Variants in FMNL3 observed in about 807,000 individuals in gnomAD.
FMNL3 encodes the protein formin-like protein 3.
A neutral mutation model predicts 119.6 loss-of-function variants in FMNL3; 57 were observed. That is an observed-to-expected ratio of 0.48 (90% CI 0.39 to 0.59). The LOEUF (loss-of-function observed/expected upper bound fraction) is 0.59, where lower values mean the gene tolerates loss of function less well. FMNL3 is among the 20% of genes least tolerant of loss of function. The probability of loss-of-function intolerance (pLI) is 0.00; values close to 1 mark genes in which losing one functional copy is unlikely to be tolerated. For missense variants in FMNL3, 1,053 were observed against 1,323.5 expected, an observed-to-expected ratio of 0.80 and a Z score of 3.17; for synonymous variants, 491 against 507.3, an observed-to-expected ratio of 0.97 and a Z score of 0.43.
In FMNL3 at chr12:49,660,756, G is replaced by A. The variant is rs188057492; in HGVS notation, c.452+1210C>T. Among the ~76,000 whole-genome samples the A allele has an allele frequency of 3.3e-3, 508 of 152,320 alleles. 5 individuals are homozygous for A. Among genetic ancestry groups the A allele is most frequent in the Non-Finnish European group, 3.9e-3 (266 of 68,034 alleles). On this transcript the variant is annotated intron_variant, in intron 5 of 25. Transcript: ENST00000335154. ...GTGGATCGCTTGAGCCCAGGAGTTC[G>A]AGGCCAGCCTGGGCAGCATGGTGAA...
At chr12:49,690,711 C>T (rs970036654) in intron 1 of FMNL3, among the ~76,000 whole-genome samples, 8 of 152,304 alleles carry the variant, frequency 5.3e-5, no homozygotes, top group African/African-American at 1.7e-4. Flanking sequence ...CTATATTCTG[C>T]CACAATCCAC....
At chr12:49,685,156 G>C (rs2138968485) in intron 1 of FMNL3, among the ~76,000 whole-genome samples, 1 of 152,350 alleles carries the variant, frequency 6.6e-6, no homozygotes. Flanking sequence ...GCTGGTGTAT[G>C]ATGGTTTTAC....
At chr12:49,648,146 T>C in intron 22 of FMNL3, 47 bp downstream of exon 22, 1 of 1,571,584 alleles carries the variant, frequency 6.4e-7, no homozygotes, top group Non-Finnish European at 8.6e-7. Context: ...TAGAGGGGCC[T>C]GGTGCCTTGG....
At position 49,643,483 on chromosome 12, in the gene FMNL3, G is replaced by A. The variant is rs1349598963; in HGVS notation, c.*2332C>T. 9 of 1,486,546 alleles carry A rather than the reference G, an allele frequency of 6.1e-6. No individual in the cohort carries two copies. The highest frequency in any genetic ancestry group is 8.1e-6 in the Non-Finnish European group (9 of 1,107,768). The allele number at this position is 1,486,546 out of a possible 1,614,324, so 92.1% of individuals were successfully genotyped here. ...CTCCACAAGCCCCAGCTCCTTTGAG[G>A]GTAGACTGGATTGGGAGGGCTGCAC... On this transcript the variant is annotated 3_prime_UTR_variant, in exon 26 of 26. Transcript: ENST00000335154.
intron 6 of FMNL3, among the ~76,000 whole-genome samples, chr12:49,657,620 C>T (rs1188939498): frequency 6.6e-6 from 1 of 152,160 alleles, no homozygotes; most frequent in Non-Finnish European, 1.5e-5. Context: ...AAAGGCAGAG[C>T]TGACCCCTAA....
At chr12:49,658,616 A>G (rs1943645480) in intron 5 of FMNL3, 22 bp from the exon 6 acceptor site, 1 of 1,585,290 alleles carries the variant, frequency 6.3e-7, no homozygotes, top group Non-Finnish European at 8.6e-7. Context: ...AAGGACACAC[A>G]TGCGCATACA....
Position 49,642,653 on chromosome 12 carries a change from G to A in FMNL3, c.*3162C>T, listed in dbSNP as rs552740409. 1.5e-5 allele frequency: 24 copies of A among 1,614,074 alleles called. 1 individual carries two copies. Among genetic ancestry groups the A allele is most frequent in the African/African-American group, 8.0e-5 (6 of 75,034 alleles). ...GAGTCGGAGCGGATCCGGCTCTTCC[G>A]GGAGTTCCTACAGGTGCTGGAGGTG... On this transcript the variant is annotated 3_prime_UTR_variant, in exon 26 of 26. Coordinates refer to ENST00000335154, the MANE Select transcript of FMNL3 (RefSeq NM_175736.5). The surrounding 1 kb of genome is among the most constrained non-coding windows in gnomAD (Gnocchi z 5.8).
intron 10 of FMNL3, 52 bp downstream of exon 10, chr12:49,654,858 A>C: frequency 6.6e-7 from 1 of 1,513,364 alleles, no homozygotes; most frequent in Non-Finnish European, 9.1e-7. Flanking sequence ...TTGTCAAGGA[A>C]CACACACACA....
At chr12:49,677,169 T>C (rs1001762230) in intron 1 of FMNL3, among the ~76,000 whole-genome samples, 1 of 152,230 alleles carries the variant, frequency 6.6e-6, no homozygotes, top group East Asian at 1.9e-4. Context: ...ATGACAGTAG[T>C]AACATCCACT....
rs1220180458 is a variant in FMNL3 at position 49,637,311 on chromosome 12, AG to A, written c.*8503del. The A allele has an allele frequency of 1.6e-6, 1 of 615,480 alleles. No homozygotes were observed. The highest frequency in any genetic ancestry group is 1.8e-5 in the African/African-American group (1 of 54,310). The allele number at this position is 615,480 out of a possible 1,614,324, so 38.1% of individuals were successfully genotyped here. A position where few individuals can be genotyped will look rare whatever the true frequency, so the allele number is the denominator to read the frequency against. ...CTTTCTCTCTTTTTGCATTGTTCTC[AG>A]CCTTCCATCTGCATCTCTTCATCTC... On this transcript the variant is annotated 3_prime_UTR_variant, in exon 26 of 26. Transcript: ENST00000335154.
At chr12:49,648,677 A>G (rs1475407460) in intron 21 of FMNL3, among the ~76,000 whole-genome samples, 1 of 152,236 alleles carries the variant, frequency 6.6e-6, no homozygotes, top group Non-Finnish European at 1.5e-5. Context: ...TCATGTCTAT[A>G]GAGAGCTTTA....
At chr12:49,704,751 A>G (rs996729882) in intron 1 of FMNL3, among the ~76,000 whole-genome samples, 2 of 151,466 alleles carry the variant, frequency 1.3e-5, no homozygotes, top group Non-Finnish European at 2.9e-5. Context: ...CTAATCTATA[A>G]TCTATATTGA....
In FMNL3 at chr12:49,637,529, G is replaced by A; in HGVS notation, c.*8286C>T. 1 of 1,613,890 alleles carries A rather than the reference G, an allele frequency of 6.2e-7. No homozygotes were observed. On this transcript the variant is annotated 3_prime_UTR_variant, in exon 26 of 26. Transcript: ENST00000335154. ...TGCACTCTATGTCCACCTGGATGGA[G>A]CTATATCCAGCAGTCAGCACTGATG... is the stretch of plus-strand genomic sequence containing the variant.
chr12:49,643,481 A>T lies in FMNL3; in HGVS notation c.*2334T>A. 1.3e-6 allele frequency: 2 copies of T among 1,487,952 alleles called. No homozygotes were observed. The highest frequency in any genetic ancestry group is 1.8e-6 in the Non-Finnish European group (2 of 1,108,832). The allele number at this position is 1,487,952 out of a possible 1,614,324, so 92.2% of individuals were successfully genotyped here. ...CCCTCCACAAGCCCCAGCTCCTTTG[A>T]GGGTAGACTGGATTGGGAGGGCTGC... is the stretch of plus-strand genomic sequence containing the variant. On this transcript the variant is annotated 3_prime_UTR_variant, in exon 26 of 26. Coordinates refer to ENST00000335154, the MANE Select transcript of FMNL3 (RefSeq NM_175736.5).
At chr12:49,678,498 T>C (rs371456019) in intron 1 of FMNL3, among the ~76,000 whole-genome samples, 29 of 151,882 alleles carry the variant, frequency 1.9e-4, no homozygotes, top group African/African-American at 7.0e-4. Flanking sequence ...GGTCTCACTT[T>C]GTCATCCAGG....
intron 10 of FMNL3, 72 bp from the exon 11 acceptor site, chr12:49,654,374 C>T (rs1943505553): frequency 1.3e-5 from 16 of 1,265,180 alleles, no homozygotes; most frequent in South Asian, 3.7e-5. Flanking sequence ...GGAGGATAGG[C>T]GGCTGTTAGA....
intron 1 of FMNL3, among the ~76,000 whole-genome samples, chr12:49,675,815 A>AC (rs1944171000): frequency 6.6e-6 from 1 of 152,116 alleles, no homozygotes; most frequent in Admixed American, 6.5e-5. Flanking sequence ...ATATGAGAAA[A>AC]CCTGAGCTCC....
rs549574366 is a variant in FMNL3 at position 49,642,207 on chromosome 12, C to A, written c.*3608G>T. 3 of 1,614,098 alleles carry A rather than the reference C, an allele frequency of 1.9e-6. No homozygotes were observed. The highest frequency in any genetic ancestry group is 1.7e-5 in the Admixed American group (1 of 60,032). On this transcript the variant is annotated 3_prime_UTR_variant, in exon 26 of 26. Transcript: ENST00000335154. This position sits in a 1 kb window ranked among gnomAD's most constrained non-coding sequence, Gnocchi z 5.8. ...ACCTGGCATCCACCCTCCTGGGTGA[C>A]CCTGTTCCGTGTCCCTTCTTTCCTC...
rs781759970 is a variant in FMNL3, at chr12:49,645,806, G to A, written c.*9C>T. ...TGAGGGGTGAAGTGCTTCTGCCTCC[G>A]AGAGGGTCTCAGTGGGGGCCTGGAG... On this transcript the variant is annotated 3_prime_UTR_variant, in exon 26 of 26. Transcript: ENST00000335154. The A allele has an allele frequency of 4.6e-5, 73 of 1,597,122 alleles. No individual in the cohort carries two copies. In the Admixed American group the frequency reaches 8.5e-4, roughly 19 times the overall value.
Sources: gnomAD v4.1 joint callset for allele counts (sites outside exome capture counted in the v4.1 genomes callset) on GRCh38, gnomAD v4.1.1 for gene constraint, Gnocchi (gnomAD v3.1) non-coding constraint, MANE v1.5 for transcripts, NCBI Gene and HGNC (gene_info 2026-07-23, HGNC 2026-07-21) for gene names.